The following MMAA variants were observed in gnomAD, a reference collection of about 807,000 sequenced individuals.
The protein encoded by MMAA is methylmalonic aciduria type A protein, mitochondrial.
MMAA carries 41 observed loss-of-function variants against 45.0 expected under a neutral mutation model. The observed-to-expected ratio is 0.91, with a 90% confidence interval of 0.71 to 1.18. The LOEUF (loss-of-function observed/expected upper bound fraction) is 1.18. Ranked by LOEUF, MMAA falls within the 50% of genes most tolerant of loss-of-function variation. MMAA has a pLI of 0.00. For synonymous variants in MMAA, 154 were observed against 178.2 expected, an observed-to-expected ratio of 0.86 and a Z score of 1.08; for missense variants, 460 against 495.7, an observed-to-expected ratio of 0.93 and a Z score of 0.68.
rs183430184 is a variant in MMAA, at chr4:145,626,413, G to A, written c.-66+7006G>A. Among the ~76,000 whole-genome samples, 3 of 152,264 alleles carry A rather than the reference G, an allele frequency of 2.0e-5. No homozygotes were observed. The East Asian group carries it at 5.8e-4, about 29-fold the overall frequency. On this transcript the variant is annotated intron_variant, in intron 1 of 6. Coordinates refer to ENST00000649156, the MANE Select transcript of MMAA (RefSeq NM_172250.3). ...AATATGTTATGAACTTAGTTATCAG[G>A]AGTGAATTATTGTCCGTGGAGCAAA...
intron 6 of MMAA, 53 bp downstream of exon 6, chr4:145,654,196 G>C: frequency 6.2e-7 from 1 of 1,602,070 alleles, no homozygotes; most frequent in Non-Finnish European, 8.6e-7. Flanking sequence ...GTGTACATTA[G>C]AAGACAGGAT....
chr4:145,642,857 CAT>C (rs1204406020), intron 3 of MMAA: 5 of 266,764 alleles, frequency 1.9e-5, no homozygotes, highest in South Asian at 4.9e-5. Context: ...GGTCCTTACT[CAT>C]GTGTCATTTT....
chr4:145,651,881 T>C (rs1247692680), intron 5 of MMAA, among the ~76,000 whole-genome samples: 1 of 152,194 alleles, frequency 6.6e-6, no homozygotes, highest in Non-Finnish European at 1.5e-5. Flanking sequence ...ACAACCTAGA[T>C]GCCTAGCATG....
chr4:145,655,697 C>A lies in MMAA; in HGVS notation c.*263C>A. On this transcript the variant is annotated 3_prime_UTR_variant, in exon 7 of 7. Coordinates refer to ENST00000649156, the MANE Select transcript of MMAA (RefSeq NM_172250.3). ...ATGGTGGCCTGTAGGGTAGTTTCTT[C>A]TTAATAGTCAAGAACAGAGAAAGCT... The A allele has an allele frequency of 3.1e-6, 1 of 323,706 alleles. No individual in the cohort carries two copies. The allele number at this position is 323,706 out of a possible 1,614,324, so 20.1% of individuals were successfully genotyped here.
intron 1 of MMAA, among the ~76,000 whole-genome samples, chr4:145,621,054 T>G (rs1400032580): frequency 6.6e-6 from 1 of 152,172 alleles, no homozygotes; most frequent in African/African-American, 2.4e-5. Flanking sequence ...AAAGGAGGAC[T>G]GAGGAGGGAG....
At chr4:145,652,603 G>A (rs553067235) in intron 5 of MMAA, among the ~76,000 whole-genome samples, 63 of 151,996 alleles carry the variant, frequency 4.1e-4, no homozygotes, top group Non-Finnish European at 8.2e-4. Flanking sequence ...GGTGGCAGGC[G>A]CCTGTAGTCC....
At chr4:145,627,818 C>T (rs909693372) in intron 1 of MMAA, among the ~76,000 whole-genome samples, 1 of 152,004 alleles carries the variant, frequency 6.6e-6, no homozygotes, top group Admixed American at 6.5e-5. Flanking sequence ...CTACCATGCT[C>T]AAAAATGGTT....
intron 5 of MMAA, 95 bp downstream of exon 5, chr4:145,651,242 T>A: frequency 9.7e-7 from 1 of 1,034,012 alleles, no homozygotes; most frequent in Non-Finnish European, 1.5e-6. Context: ...AAGTTGATAA[T>A]GGTTTAGAAA....
chr4:145,619,488 C>G (rs1043848282), intron 1 of MMAA, 81 bp downstream of exon 1: 1 of 152,214 alleles, frequency 6.6e-6, no homozygotes, highest in African/African-American at 2.4e-5. Flanking sequence ...GGGGGGCCAG[C>G]GCGGTCCTCC....
chr4:145,651,453 T>G (rs1269095808), intron 5 of MMAA, among the ~76,000 whole-genome samples: 1 of 152,188 alleles, frequency 6.6e-6, no homozygotes, highest in Non-Finnish European at 1.5e-5. Context: ...GTTAGTACGT[T>G]GATTCAAAAG....
intron 4 of MMAA, among the ~76,000 whole-genome samples, chr4:145,648,424 G>T (rs974189306): frequency 1.3e-5 from 2 of 152,104 alleles, no homozygotes; most frequent in African/African-American, 4.8e-5. Flanking sequence ...GGGATTACAG[G>T]TGTGAGCTAC....
rs1479079345 is a variant in MMAA at position 145,659,709 on chromosome 4, G to A, written c.*4275G>A. On this transcript the variant is annotated 3_prime_UTR_variant, in exon 7 of 7. Transcript: ENST00000649156. ...ATTGAAGCTGTGCATGTTTATGGGG[G>A]CACAATTTGATGTTTCAATACATGT... The A allele has an allele frequency of 6.6e-6, 1 of 152,036 alleles. No individual in the cohort carries two copies. The highest frequency in any genetic ancestry group is 1.5e-5 in the Non-Finnish European group (1 of 68,020). 9.4% of individuals were successfully genotyped at this position (152,036 alleles called of 1,614,324 possible). A position where few individuals can be genotyped will look rare whatever the true frequency, so the allele number is the denominator to read the frequency against.
At chr4:145,651,769 G>C (rs1223186819) in intron 5 of MMAA, among the ~76,000 whole-genome samples, 1 of 152,178 alleles carries the variant, frequency 6.6e-6, no homozygotes, top group Non-Finnish European at 1.5e-5. Flanking sequence ...TGGTTTCATG[G>C]AAGACAGTTT....
rs907827916 is a variant in MMAA at position 145,624,694 on chromosome 4, G to T, written c.-66+5287G>T. 3 of 1,532,992 alleles carry T rather than the reference G, an allele frequency of 2.0e-6. No individual in the cohort carries two copies. The African/African-American group carries it at 4.1e-5, about 21-fold the overall frequency. The allele number at this position is 1,532,992 out of a possible 1,614,324, so 95.0% of individuals were successfully genotyped here. ...TCAGGCTCAGGTTTGGGTTCCATGG[G>T]CATCCCATTTTTATCCTTTCCTTCT... On this transcript the variant is annotated intron_variant, in intron 1 of 6. Transcript: ENST00000649156.
chr4:145,622,692 C>T (rs1734113456), intron 1 of MMAA, among the ~76,000 whole-genome samples: 1 of 152,144 alleles, frequency 6.6e-6, no homozygotes. Flanking sequence ...TTAATGTAAA[C>T]TATATTTTGA....
Position 145,646,032 on chromosome 4 carries a change from T to A in MMAA, c.609T>A (p.Asp203Glu). Reference protein sequence around the residue: ...DKTRMTELSRDMNAYIRPSPT... With the variant: ...DKTRMTELSREMNAYIRPSPT... The stretch of plus-strand genomic sequence containing the variant: ...CCCGAATGACTGAGTTATCAAGAGA[T>A]ATGAATGCATACATCAGGCCATCTC... Residue 203 changes from aspartate to glutamate, a missense_variant, in exon 4 of 7, where the codon GAT becomes GAA. Asp to Glu is a conservative substitution (Grantham distance 45). Transcript: ENST00000649156. The A allele has an allele frequency of 6.2e-7, 1 of 1,614,110 alleles. No individual in the cohort carries two copies. Among genetic ancestry groups the A allele is most frequent in the Non-Finnish European group, 8.5e-7 (1 of 1,179,972 alleles).
At chr4:145,635,660 C>G (rs1046122229) in intron 1 of MMAA, among the ~76,000 whole-genome samples, 2 of 152,136 alleles carry the variant, frequency 1.3e-5, no homozygotes, top group Non-Finnish European at 2.9e-5. Flanking sequence ...AATTAAGGAG[C>G]ATATTTTAAA....
At chr4:145,637,613 T>C (rs1383562074) in intron 1 of MMAA, among the ~76,000 whole-genome samples, 1 of 152,208 alleles carries the variant, frequency 6.6e-6, no homozygotes, top group Non-Finnish European at 1.5e-5. Context: ...CATTTACAGG[T>C]ATACCTTGGA....
intron 1 of MMAA, among the ~76,000 whole-genome samples, chr4:145,627,966 C>A (rs191260780): frequency 8.5e-5 from 13 of 152,176 alleles, no homozygotes; most frequent in African/African-American, 2.9e-4. Flanking sequence ...ATTCTTTTTA[C>A]TAAATTTTTT....
Sources: allele counts gnomAD v4.1 joint callset (sites outside exome capture counted in the v4.1 genomes callset), GRCh38; gene constraint gnomAD v4.1.1; transcripts MANE v1.5; gene names NCBI Gene and HGNC (gene_info 2026-07-23, HGNC 2026-07-21).